Variants in USH2A observed in about 807,000 individuals in gnomAD.
USH2A encodes the protein usherin, also known as Usher syndrome 2A (autosomal recessive, mild).
A neutral mutation model predicts 538.9 loss-of-function variants in USH2A; 443 were observed. That is an observed-to-expected ratio of 0.82 (90% CI 0.76 to 0.89). The LOEUF (loss-of-function observed/expected upper bound fraction) is 0.89. Among genes scored for constraint, USH2A ranks in the 40% least tolerant of loss-of-function variants. USH2A has a pLI of 0.00. For synonymous variants in USH2A, 2,413 were observed against 2,273.5 expected, an observed-to-expected ratio of 1.06 and a Z score of -1.75; for missense variants, 6,633 against 6,324.8, an observed-to-expected ratio of 1.05 and a Z score of -1.65.
At chr1:215,894,554 A>G (rs547682507) in intron 40 of USH2A, among the ~76,000 whole-genome samples, 2 of 152,258 alleles carry the variant, frequency 1.3e-5, no homozygotes, top group East Asian at 3.9e-4. Flanking sequence ...GTTTTGTTTT[A>G]GAATTCTTTC....
intron 21 of USH2A, among the ~76,000 whole-genome samples, chr1:216,163,220 G>A (rs1447283321): frequency 1.3e-5 from 2 of 151,748 alleles, no homozygotes; most frequent in East Asian, 1.9e-4. Flanking sequence ...GATGGAATTG[G>A]TATTTTATCT....
At chr1:216,075,846 C>T (rs76539983) in intron 27 of USH2A, among the ~76,000 whole-genome samples, 3,740 of 106,592 alleles carry the variant, frequency 0.035, 158 homozygotes, top group African/African-American at 0.12. Context: ...AAGATTGCAA[C>T]GTTAGTAGAT....
At chr1:215,723,757 T>G (rs2820710) in intron 61 of USH2A, among the ~76,000 whole-genome samples, 25,655 of 152,090 alleles carry the variant, frequency 0.17, 2,293 homozygotes, top group Non-Finnish European at 0.19. Context: ...GTAAAGTTGT[T>G]TACCTGGTGC....
intron 61 of USH2A, among the ~76,000 whole-genome samples, chr1:215,690,927 T>C (rs1658581420): frequency 6.6e-6 from 1 of 152,094 alleles, no homozygotes; most frequent in East Asian, 1.9e-4. Flanking sequence ...TCTCGCTCTG[T>C]CACTGAGGCT....
intron 61 of USH2A, among the ~76,000 whole-genome samples, chr1:215,717,385 C>T (rs1397805161): frequency 6.6e-6 from 1 of 152,056 alleles, no homozygotes; most frequent in Non-Finnish European, 1.5e-5. Flanking sequence ...AATCATGATG[C>T]CTGTGTTTTT....
At chr1:216,118,474 A>C (rs2033059191) in intron 21 of USH2A, among the ~76,000 whole-genome samples, 1 of 152,128 alleles carries the variant, frequency 6.6e-6, no homozygotes, top group South Asian at 2.1e-4. Flanking sequence ...CCAGCTTCTC[A>C]TAAGCACACA....
In USH2A at chr1:216,121,411, C is replaced by CG. The variant is rs1553304157; in HGVS notation, c.4628-24199_4628-24198insC. Among the ~76,000 whole-genome samples, 4 of 151,590 alleles carry CG rather than the reference C, an allele frequency of 2.6e-5. No individual in the cohort carries two copies. In the East Asian group the frequency reaches 7.8e-4, roughly 29 times the overall value. ...TGATTTAAATTTTGCTGGTTTTTTT[C>CG]TTTTTTTTAAACAGCTAATTTGATA... On this transcript the variant is annotated intron_variant, in intron 21 of 71. Transcript: ENST00000307340.
intron 11 of USH2A, among the ~76,000 whole-genome samples, chr1:216,265,464 C>A (rs1014781582): frequency 1.6e-4 from 24 of 152,078 alleles, no homozygotes; most frequent in African/African-American, 5.5e-4. Flanking sequence ...AAAAAGAGAA[C>A]TACCATATGA....
intron 20 of USH2A, among the ~76,000 whole-genome samples, chr1:216,182,095 A>T (rs772547457): frequency 1.2e-4 from 18 of 152,030 alleles, no homozygotes; most frequent in Non-Finnish European, 2.1e-4. Context: ...CTGAATGTAA[A>T]TTTTTTATAT....
chr1:215,996,560 G>GTTTTTTTTTTTTTT lies in USH2A; in HGVS notation c.6657+2313_6657+2326dup, dbSNP rs753233925. 1.5e-4 allele frequency among the ~76,000 whole-genome samples: 8 copies of GTTTTTTTTTTTTTT among 51,718 alleles called. 1 individual carries two copies. Among genetic ancestry groups the GTTTTTTTTTTTTTT allele is most frequent in the African/African-American group, 5.6e-4 (6 of 10,788 alleles). The allele number at this position is 51,718 out of a possible 152,430, so 33.9% of individuals were successfully genotyped here. ...TTTGTTGAGAGTAGCAACATATTAT[G>GTTTTTTTTTTTTTT]TTTTTTTTTTTTTTTTTTTTTTTTT... On this transcript the variant is annotated intron_variant, in intron 34 of 71. Coordinates refer to ENST00000307340, the MANE Select transcript of USH2A (RefSeq NM_206933.4).
intron 3 of USH2A, among the ~76,000 whole-genome samples, chr1:216,375,388 T>A (rs1278697964): frequency 2.0e-5 from 3 of 152,234 alleles, no homozygotes; most frequent in Non-Finnish European, 4.4e-5. Context: ...ACAACAGCAC[T>A]TGCTCTTTCA....
At chr1:216,297,856 T>C (rs1043507688) in intron 9 of USH2A, among the ~76,000 whole-genome samples, 5 of 152,216 alleles carry the variant, frequency 3.3e-5, no homozygotes, top group African/African-American at 1.2e-4. Context: ...TTACTTCTTC[T>C]AGTAGCCCTA....
At chr1:215,950,254 A>G (rs1011527589) in intron 37 of USH2A, among the ~76,000 whole-genome samples, 13 of 152,308 alleles carry the variant, frequency 8.5e-5, no homozygotes, top group Middle Eastern at 3.4e-3. Context: ...TCCAACAATA[A>G]GGAATTGATA....
intron 32 of USH2A, 100 bp from the exon 33 acceptor site, chr1:216,000,662 T>G: frequency 6.9e-7 from 1 of 1,439,156 alleles, no homozygotes. Flanking sequence ...ATTGTTAAGA[T>G]AAGGCTTAAA....
At position 216,153,719 on chromosome 1, in the gene USH2A, GA is replaced by G. The variant is rs377312331; in HGVS notation, c.4627+21532del. Among the ~76,000 whole-genome samples, 283 of 152,006 alleles carry G rather than the reference GA, an allele frequency of 1.9e-3. 2 individuals carry two copies. Among genetic ancestry groups the G allele is most frequent in the African/African-American group, 6.1e-3 (251 of 41,476 alleles). On this transcript the variant is annotated intron_variant, in intron 21 of 71. Coordinates refer to ENST00000307340, the MANE Select transcript of USH2A (RefSeq NM_206933.4). ...TAATGCTGCATATTAGATATAAGGG[GA>G]AAAAAACCCTCAAAATAGGATACTT...
rs181917146 is a variant in USH2A, at chr1:216,383,622, T to A, written c.652-18537A>T. Among the ~76,000 whole-genome samples, 76 of 152,282 alleles carry A rather than the reference T, an allele frequency of 5.0e-4. No homozygotes were observed. In the Middle Eastern group the frequency reaches 0.027, roughly 55 times the overall value. ...CCTTAATTTTCTATGGGAGTTAACA[T>A]AGGATTGTATGTCTGAAATTATTAT... On this transcript the variant is annotated intron_variant, in intron 3 of 71. Coordinates refer to ENST00000307340, the MANE Select transcript of USH2A (RefSeq NM_206933.4).
At chr1:216,347,222 T>C (rs2038195918) in intron 4 of USH2A, among the ~76,000 whole-genome samples, 2 of 152,076 alleles carry the variant, frequency 1.3e-5, no homozygotes, top group Admixed American at 1.3e-4. Flanking sequence ...AGGTTGTTTC[T>C]AAAAAAGAAA....
chr1:216,357,107 C>A (rs1224361283), intron 4 of USH2A, among the ~76,000 whole-genome samples: 1 of 152,070 alleles, frequency 6.6e-6, no homozygotes, highest in Non-Finnish European at 1.5e-5. Flanking sequence ...TCCTCTACTA[C>A]CTTATGATTG....
Position 215,671,128 on chromosome 1 carries a change from T to C in USH2A, c.13977A>G (p.Gly4659=). 1 of 1,614,138 alleles carries C rather than the reference T, an allele frequency of 6.2e-7. No homozygotes were observed. Among genetic ancestry groups the C allele is most frequent in the Non-Finnish European group, 8.5e-7 (1 of 1,180,004 alleles). ...FQPTVSLLWT[G]PLQPNGKVLY... ...AAACTTTTCCATTTGGCTGCAGCGG[T>C]CCTGTCCACAAAAGAGAAACAGTTG... The change falls in exon 64 of 72, where the codon GGA becomes GGG. Residue 4659 remains glycine (G), a synonymous_variant. Transcript: ENST00000307340.
Sources: allele counts gnomAD v4.1 joint callset (sites outside exome capture counted in the v4.1 genomes callset), GRCh38; gene constraint gnomAD v4.1.1; transcripts MANE v1.5; gene names NCBI Gene and HGNC (gene_info 2026-07-23, HGNC 2026-07-21).